Variants in CNOT2 observed in about 807,000 individuals in gnomAD.
CNOT2 encodes CC chemokine receptor 4-negative regulator of transcription 2.
In CNOT2, 7 loss-of-function variants were observed where a neutral mutation model predicts 72.1. That is an observed-to-expected ratio of 0.10 (90% CI 0.06 to 0.18). The LOEUF (loss-of-function observed/expected upper bound fraction) is 0.18, where lower values mean the gene tolerates loss of function less well. Among genes scored for constraint, CNOT2 ranks in the 10% least tolerant of loss-of-function variants. The pLI is 1.00. For missense variants in CNOT2, 345 were observed against 660.3 expected (o/e 0.52, Z 5.23); for synonymous variants, 196 against 225.6 (o/e 0.87, Z 1.17).
intron 1 of CNOT2, among the ~76,000 whole-genome samples, chr12:70,274,878 TG>T (rs778879714): frequency 2.0e-5 from 3 of 152,098 alleles, no homozygotes; most frequent in Non-Finnish European, 4.4e-5. Context: ...ATTTTGTTGT[TG>T]AGAGTATTCT....
At chr12:70,280,077 A>G (rs2135812117) in intron 2 of CNOT2, among the ~76,000 whole-genome samples, 1 of 152,286 alleles carries the variant, frequency 6.6e-6, no homozygotes. Context: ...TGTATGGGAA[A>G]TTCAAAGGAA....
intron 1 of CNOT2, among the ~76,000 whole-genome samples, chr12:70,267,580 C>A (rs1013858118): frequency 6.6e-6 from 1 of 152,172 alleles, no homozygotes; most frequent in Non-Finnish European, 1.5e-5. Flanking sequence ...TTTGAGTACA[C>A]AACTCACTGC....
chr12:70,271,506 T>C (rs997624403), intron 1 of CNOT2, among the ~76,000 whole-genome samples: 3 of 151,602 alleles, frequency 2.0e-5, no homozygotes, highest in African/African-American at 7.3e-5. Context: ...CCTGAGCGAC[T>C]GGGATTACAG....
At chr12:70,243,836 C>T (rs1957710106) in intron 1 of CNOT2, 1 of 152,124 alleles carries the variant, frequency 6.6e-6, no homozygotes, top group African/African-American at 2.4e-5. Flanking sequence ...CCAGACTCCA[C>T]TCCCCTAGGC....
At chr12:70,294,274 A>G (rs767404900) in intron 2 of CNOT2, 19 of 1,289,460 alleles carry the variant, frequency 1.5e-5, no homozygotes, top group Admixed American at 2.3e-5. Context: ...AGAGTAGCAA[A>G]TGTTGAAAGA....
chr12:70,344,214 A>G lies in CNOT2; in HGVS notation c.1377A>G (p.Leu459=), dbSNP rs915062370. The change falls in exon 14 of 16, where the codon TTA becomes TTG. Residue 459 remains leucine, a synonymous_variant. Transcript: ENST00000229195. ...ATGGAGGAGACGTATTACAACTTTT[A>G]GCTGCAGTGGAGCTGTATGTTCAAA... ...YMNGGDVLQL[L]AAVELFNRDW... 11 of 1,604,970 alleles carry G rather than the reference A, an allele frequency of 6.9e-6. No individual in the cohort carries two copies. The highest frequency in any genetic ancestry group is 9.4e-6 in the Non-Finnish European group (11 of 1,172,050).
chr12:70,295,589 G>T (rs1244509799), intron 2 of CNOT2, among the ~76,000 whole-genome samples: 1 of 152,016 alleles, frequency 6.6e-6, no homozygotes, highest in Non-Finnish European at 1.5e-5. Context: ...ATTTTCTACT[G>T]TTATATGTCC....
At chr12:70,348,101 T>C (rs1189498412) in intron 15 of CNOT2, 2 of 152,208 alleles carry the variant, frequency 1.3e-5, no homozygotes, top group Non-Finnish European at 2.9e-5. Flanking sequence ...TATATGTTTA[T>C]ATACACACAC....
At chr12:70,302,012 T>G (rs889140406) in intron 2 of CNOT2, 3 of 152,162 alleles carry the variant, frequency 2.0e-5, no homozygotes, top group Non-Finnish European at 4.4e-5. Context: ...TGTGTAGAGG[T>G]GTTTATAGTA....
chr12:70,278,314 T>C (rs764022385), intron 2 of CNOT2, 40 bp downstream of exon 2: 25 of 1,402,096 alleles, frequency 1.8e-5, no homozygotes, highest in Middle Eastern at 1.8e-4. Context: ...ATTGGTCTTA[T>C]AGCTACATTG....
intron 2 of CNOT2, chr12:70,294,440 T>C (rs546513815): frequency 2.3e-6 from 1 of 428,298 alleles, no homozygotes; most frequent in Non-Finnish European, 3.9e-6. Context: ...ATAAAACTCA[T>C]AAATTATTTA....
intron 2 of CNOT2, among the ~76,000 whole-genome samples, chr12:70,292,858 G>A (rs1330825460): frequency 6.6e-6 from 1 of 152,184 alleles, no homozygotes; most frequent in Admixed American, 6.5e-5. Context: ...TACATGGTGA[G>A]ATGTTTAGAA....
At chr12:70,338,922 T>G (rs1272249114) in intron 11 of CNOT2, 100 bp downstream of exon 11, 2 of 947,366 alleles carry the variant, frequency 2.1e-6, no homozygotes, top group Non-Finnish European at 3.2e-6. Context: ...TGCTACTCAT[T>G]GTTAACCTGC....
chr12:70,342,133 C>T lies in CNOT2; in HGVS notation c.1205C>T (p.Pro402Leu). 3.7e-6 allele frequency: 6 copies of T among 1,609,644 alleles called. No homozygotes were observed. Among genetic ancestry groups the T allele is most frequent in the Non-Finnish European group, 5.1e-6 (6 of 1,176,108 alleles). ...PENLYPKFAS[P>L]WASSPCRPQD... ...AATCTCTACCCCAAATTTGCGTCAC[C>T]CTGGGCATCTTCACCTTGTCGACCT... The change falls in exon 12 of 16, where the codon CCC becomes CTC. Residue 402 changes from proline to leucine, a missense_variant. Pro to Leu is a moderately conservative substitution (Grantham distance 98). Transcript: ENST00000229195.
intron 15 of CNOT2, 76 bp from the exon 16 acceptor site, chr12:70,353,753 T>G: frequency 6.4e-7 from 1 of 1,567,070 alleles, no homozygotes; most frequent in Admixed American, 2.0e-5. Context: ...TTTATTTATT[T>G]TTATAGTAAA....
intron 5 of CNOT2, 90 bp downstream of exon 5, chr12:70,329,660 G>A: frequency 3.2e-6 from 3 of 925,196 alleles, no homozygotes. Context: ...TTAATTACTT[G>A]ATTTTCTGGT....
intron 4 of CNOT2, 21 bp from the exon 5 acceptor site, chr12:70,329,402 T>C (rs777369758): frequency 6.3e-7 from 1 of 1,595,238 alleles, no homozygotes; most frequent in East Asian, 2.2e-5. Context: ...TGAATTTCCT[T>C]CTTCTGAATT....
chr12:70,277,070 A>G (rs930746379), intron 1 of CNOT2, among the ~76,000 whole-genome samples: 2 of 152,038 alleles, frequency 1.3e-5, no homozygotes, highest in Admixed American at 6.6e-5. Context: ...CTCCTTATAA[A>G]TTATAGATTA....
At chr12:70,295,495 C>T (rs1262229360) in intron 2 of CNOT2, among the ~76,000 whole-genome samples, 3 of 151,988 alleles carry the variant, frequency 2.0e-5, no homozygotes, top group Admixed American at 6.6e-5. Context: ...CTTTGCCTAC[C>T]GTCTTTTAAG....
Sources: gnomAD v4.1 joint callset for allele counts (sites outside exome capture counted in the v4.1 genomes callset) on GRCh38, gnomAD v4.1.1 for gene constraint, MANE v1.5 for transcripts, NCBI Gene and HGNC (gene_info 2026-07-23, HGNC 2026-07-21) for gene names.